The following ABCG2 variants were observed in gnomAD, a reference collection of about 807,000 sequenced individuals.
The protein encoded by ABCG2 is broad substrate specificity ATP-binding cassette transporter ABCG2.
Under a neutral mutation model 73.5 loss-of-function variants are expected in ABCG2, and 80 were observed. The observed-to-expected ratio is 1.09, with a 90% CI of 0.91 to 1.31. ABCG2 has a LOEUF of 1.31. Among genes scored for constraint, ABCG2 ranks in the 50% most tolerant of loss-of-function variants. ABCG2 has a pLI of 0.00. For synonymous variants in ABCG2, 269 were observed against 282.4 expected, an observed-to-expected ratio of 0.95 and a Z score of 0.48; for missense variants, 796 against 786.2, an observed-to-expected ratio of 1.01 and a Z score of -0.15.
chr4:88,142,376 A>G (rs1236667429), intron 1 of ABCG2, among the ~76,000 whole-genome samples: 5 of 152,130 alleles, frequency 3.3e-5, no homozygotes, highest in African/African-American at 1.2e-4. Context: ...ACTGCCAAAA[A>G]CCAAAGTTAT....
chr4:88,134,130 G>GT (rs899576205), intron 2 of ABCG2, among the ~76,000 whole-genome samples: 1 of 152,154 alleles, frequency 6.6e-6, no homozygotes, highest in African/African-American at 2.4e-5. Context: ...CACAGAGAAA[G>GT]TAATATCTAT....
At chr4:88,175,400 T>C (rs1157910186) in intron 1 of ABCG2, among the ~76,000 whole-genome samples, 2 of 152,234 alleles carry the variant, frequency 1.3e-5, no homozygotes, top group Admixed American at 1.3e-4. Context: ...TACAAATGTG[T>C]AGTAGGCTAA....
intron 5 of ABCG2, among the ~76,000 whole-genome samples, chr4:88,128,329 G>A (rs963436961): frequency 6.6e-6 from 1 of 152,214 alleles, no homozygotes; most frequent in African/African-American, 2.4e-5. Context: ...TGATGGGAGT[G>A]TAAATTAGTT....
intron 7 of ABCG2, among the ~76,000 whole-genome samples, chr4:88,115,384 A>G (rs2110011667): frequency 6.7e-6 from 1 of 149,510 alleles, no homozygotes; most frequent in South Asian, 2.1e-4. Flanking sequence ...CCCGAGTTCA[A>G]GTGATTCTCC....
intron 2 of ABCG2, among the ~76,000 whole-genome samples, chr4:88,134,019 A>G (rs1008337616): frequency 6.6e-6 from 1 of 152,128 alleles, no homozygotes. Flanking sequence ...AAGAAGAAGA[A>G]GAAAGGAGAC....
chr4:88,093,286 ACG>A, intron 15 of ABCG2, among the ~76,000 whole-genome samples: 2 of 152,106 alleles, frequency 1.3e-5, no homozygotes, highest in Non-Finnish European at 2.9e-5. Context: ...CAGGTGGATC[ACG>A]AGGTCAGGAG....
At chr4:88,215,857 T>C (rs773690254) in intron 1 of ABCG2, among the ~76,000 whole-genome samples, 2 of 152,262 alleles carry the variant, frequency 1.3e-5, no homozygotes, top group South Asian at 4.1e-4. Context: ...CTAACTCGAG[T>C]TGCCAAATTG....
At chr4:88,157,772 T>A (rs2622604) in intron 1 of ABCG2, among the ~76,000 whole-genome samples, 20 of 151,990 alleles carry the variant, frequency 1.3e-4, no homozygotes, top group Non-Finnish European at 2.9e-4. Flanking sequence ...ACTACTCTGG[T>A]GTATTTATTT....
Position 88,131,268 on chromosome 4 carries a change from C to A in ABCG2, c.379-55G>T, listed in dbSNP as rs1724855663. On this transcript the variant is annotated intron_variant, in intron 4 of 15. Coordinates refer to ENST00000237612, the MANE Select transcript of ABCG2 (RefSeq NM_004827.3). ...TAATGATAATGAGTCTTTTCTAAGA[C>A]CATGACTGTTTAGTATACATAACAT... 6 of 1,556,518 alleles carry A rather than the reference C, an allele frequency of 3.9e-6. No individual in the cohort carries two copies. In the African/African-American group the frequency reaches 4.1e-5, roughly 11 times the overall value.
chr4:88,095,666 TAGAGAATACCCTCTTCA>T, intron 13 of ABCG2, 57 bp from the exon 14 acceptor site: 1 of 1,369,782 alleles, frequency 7.3e-7, no homozygotes. Context: ...TGCAGAATTC[TAGAGAATACCCTCTTCA>T]AGTCCCTACC....
chr4:88,099,589 A>G, intron 11 of ABCG2, 141 bp from the exon 12 acceptor site: 1 of 733,212 alleles, frequency 1.4e-6, no homozygotes, highest in South Asian at 2.4e-5. Flanking sequence ...TAGACCCACT[A>G]TGCATGCCCA....
chr4:88,113,113 A>G (rs991300020), intron 9 of ABCG2, among the ~76,000 whole-genome samples, 190 bp downstream of exon 9: 1 of 152,224 alleles, frequency 6.6e-6, no homozygotes, highest in African/African-American at 2.4e-5. Flanking sequence ...TCTGTCTCAA[A>G]AAAAGGGAAG....
At chr4:88,217,386 C>A (rs1209586101) in intron 1 of ABCG2, among the ~76,000 whole-genome samples, 2 of 152,080 alleles carry the variant, frequency 1.3e-5, no homozygotes, top group African/African-American at 4.8e-5. Flanking sequence ...GGAGGCCAGG[C>A]GCGGTGGCTC....
chr4:88,140,100 A>C lies in ABCG2; in HGVS notation c.-19-86T>G, dbSNP rs1725526780. On this transcript the variant is annotated intron_variant, in intron 1 of 15. Transcript: ENST00000237612. Reference sequence around the variant, plus strand: ...GTGACAATACATTTAAAACAAGTCCATTTTTAAATGTGCGGCAATGAGCAG... The same window carrying C: ...GTGACAATACATTTAAAACAAGTCCCTTTTTAAATGTGCGGCAATGAGCAG... 1.4e-5 allele frequency: 16 copies of C among 1,149,284 alleles called. No individual in the cohort carries two copies. In the South Asian group the frequency reaches 2.3e-4, roughly 16 times the overall value. 71.2% of individuals were successfully genotyped at this position (1,149,284 alleles called of 1,614,324 possible).
intron 1 of ABCG2, among the ~76,000 whole-genome samples, chr4:88,193,847 C>T (rs547461917): frequency 4.6e-5 from 7 of 152,242 alleles, no homozygotes; most frequent in East Asian, 1.9e-4. Context: ...TGGATTCAAG[C>T]GATTCTCATG....
At chr4:88,115,285 A>ATATATATATAT (rs1723495442) in intron 7 of ABCG2, among the ~76,000 whole-genome samples, 1 of 19,738 alleles carries the variant, frequency 5.1e-5, no homozygotes, top group African/African-American at 1.8e-4. Context: ...TATATATATA[A>ATATATATATAT]TTTATTTATT....
intron 6 of ABCG2, among the ~76,000 whole-genome samples, chr4:88,118,955 C>A (rs556080374): frequency 6.6e-6 from 1 of 152,296 alleles, no homozygotes; most frequent in East Asian, 1.9e-4. Flanking sequence ...CAAAATAGTG[C>A]TAAAGTACCT....
intron 1 of ABCG2, among the ~76,000 whole-genome samples, chr4:88,220,310 C>A (rs1013438708): frequency 2.0e-5 from 3 of 152,088 alleles, no homozygotes; most frequent in African/African-American, 7.2e-5. Flanking sequence ...GCTTTCAGTT[C>A]TTTTGGGTAT....
At chr4:88,199,688 T>G (rs1187460713) in intron 1 of ABCG2, among the ~76,000 whole-genome samples, 1 of 152,190 alleles carries the variant, frequency 6.6e-6, no homozygotes, top group African/African-American at 2.4e-5. Flanking sequence ...CTTGCAGAAA[T>G]GTTTTTTAAA....
Sources: allele counts gnomAD v4.1 joint callset (sites outside exome capture counted in the v4.1 genomes callset), GRCh38; gene constraint gnomAD v4.1.1; transcripts MANE v1.5; gene names NCBI Gene and HGNC (gene_info 2026-07-23, HGNC 2026-07-21).